Variants in SMG7 observed in about 807,000 individuals in gnomAD.
SMG7 encodes SMG7 nonsense mediated mRNA decay factor.
Under a neutral mutation model 148.2 loss-of-function variants are expected in SMG7, and 34 were observed. The observed-to-expected ratio is 0.23, with a 90% CI of 0.17 to 0.31. The LOEUF (loss-of-function observed/expected upper bound fraction) is 0.31, where lower values mean the gene tolerates loss of function less well. Among genes scored for constraint, SMG7 ranks in the 10% least tolerant of loss-of-function variants. The pLI is 1.00. For missense variants in SMG7, 1,114 were observed against 1,408.4 expected, an observed-to-expected ratio of 0.79 and a Z score of 3.35; for synonymous variants, 492 against 515.1, an observed-to-expected ratio of 0.96 and a Z score of 0.61.
intron 20 of SMG7, 45 bp from the exon 21 acceptor site, chr1:183,550,706 G>C: frequency 6.3e-7 from 1 of 1,586,254 alleles, no homozygotes; most frequent in Non-Finnish European, 8.6e-7. Context: ...TTGTATGTTT[G>C]TGAAACAATG....
At chr1:183,500,535 A>G (rs1033801416) in intron 1 of SMG7, among the ~76,000 whole-genome samples, 6 of 152,208 alleles carry the variant, frequency 3.9e-5, no homozygotes, top group East Asian at 1.9e-4. Context: ...GCTGTGCACT[A>G]TGTGAGGCAC....
chr1:183,506,251 A>G (rs1490383880), intron 1 of SMG7, among the ~76,000 whole-genome samples: 2 of 152,182 alleles, frequency 1.3e-5, no homozygotes, highest in Non-Finnish European at 2.9e-5. Flanking sequence ...ATGTTGTGGT[A>G]TAGAGTATTG....
intron 2 of SMG7, among the ~76,000 whole-genome samples, chr1:183,515,656 C>T (rs963523818): frequency 3.2e-4 from 44 of 138,138 alleles, no homozygotes; most frequent in African/African-American, 1.0e-3. Flanking sequence ...TATTTCAAAA[C>T]TAAAAACAGA....
At chr1:183,494,007 A>C (rs1167514930) in intron 1 of SMG7, among the ~76,000 whole-genome samples, 1 of 151,900 alleles carries the variant, frequency 6.6e-6, no homozygotes, top group Non-Finnish European at 1.5e-5. Flanking sequence ...TGCTTGTTTG[A>C]AACAGGGTCT....
In SMG7 at chr1:183,533,863, G is replaced by C. The variant is rs748426248; in HGVS notation, c.1163+31G>C. 5 of 1,575,662 alleles carry C rather than the reference G, an allele frequency of 3.2e-6. No individual in the cohort carries two copies. In the African/African-American group the frequency reaches 5.4e-5, roughly 17 times the overall value. On this transcript the variant is annotated intron_variant, in intron 10 of 22. Coordinates refer to ENST00000688051, the MANE Select transcript of SMG7 (RefSeq NM_001375584.1). The stretch of plus-strand genomic sequence containing the variant: ...TATTTTTAGAATTTCATGTTAACTT[G>C]TGTGCTTTGTTTGTTTGATATCCAT...
rs1558079653 is a variant in SMG7, at chr1:183,552,978, A to G, written c.*1047A>G. On this transcript the variant is annotated 3_prime_UTR_variant, in exon 23 of 23. Transcript: ENST00000688051. ...TGTGCAACATCACATCTCCCCAAGA[A>G]GCAACAGCATGGGGTCCAGCAGTTG... 2 of 1,536,228 alleles carry G rather than the reference A, an allele frequency of 1.3e-6. No individual in the cohort carries two copies. Among genetic ancestry groups the G allele is most frequent in the Non-Finnish European group, 1.7e-6 (2 of 1,146,868 alleles).
chr1:183,491,911 G>T (rs1002038548), intron 1 of SMG7, among the ~76,000 whole-genome samples: 1 of 152,118 alleles, frequency 6.6e-6, no homozygotes, highest in Admixed American at 6.5e-5. Context: ...GACAAATGCT[G>T]TGTCCACATA....
chr1:183,489,292 G>A (rs376088125), intron 1 of SMG7, among the ~76,000 whole-genome samples: 12 of 152,146 alleles, frequency 7.9e-5, no homozygotes, highest in African/African-American at 1.9e-4. Flanking sequence ...CCTCATTCTC[G>A]GGTTCTTGTC....
At chr1:183,526,241 T>C (rs1004458378) in intron 4 of SMG7, among the ~76,000 whole-genome samples, 3 of 151,394 alleles carry the variant, frequency 2.0e-5, no homozygotes, top group South Asian at 2.1e-4. Flanking sequence ...CTCCGCCTCC[T>C]GGGTTCAAGC....
intron 20 of SMG7, among the ~76,000 whole-genome samples, chr1:183,550,492 T>C (rs1039784952): frequency 6.6e-5 from 10 of 152,368 alleles, no homozygotes; most frequent in Non-Finnish European, 1.2e-4. Context: ...CGTGTGAGAA[T>C]AGGGCATTCA....
intron 1 of SMG7, among the ~76,000 whole-genome samples, chr1:183,485,475 A>G (rs969447614): frequency 6.6e-6 from 1 of 152,130 alleles, no homozygotes. Flanking sequence ...AGATTGCTTT[A>G]TCTTACTGAC....
At chr1:183,511,553 G>C (rs1345145014) in intron 1 of SMG7, among the ~76,000 whole-genome samples, 2 of 152,210 alleles carry the variant, frequency 1.3e-5, no homozygotes, top group Non-Finnish European at 2.9e-5. Context: ...AATGAGCCCG[G>C]AGATCAAGGA....
At chr1:183,532,154 A>G (rs1666987382) in intron 8 of SMG7, among the ~76,000 whole-genome samples, 1 of 152,144 alleles carries the variant, frequency 6.6e-6, no homozygotes, top group Non-Finnish European at 1.5e-5. Context: ...AAAAACAAAA[A>G]TCTCAGAGTA....
chr1:183,484,100 C>T (rs747701362), intron 1 of SMG7, among the ~76,000 whole-genome samples: 6 of 152,074 alleles, frequency 3.9e-5, no homozygotes, highest in Non-Finnish European at 5.9e-5. Flanking sequence ...GGTAGAATTA[C>T]TAGGAGAATT....
intron 2 of SMG7, among the ~76,000 whole-genome samples, chr1:183,514,576 A>G (rs759421325): frequency 2.6e-5 from 4 of 152,206 alleles, no homozygotes; most frequent in Non-Finnish European, 5.9e-5. Context: ...TATCTGTACC[A>G]TTTACCTTTT....
At position 183,552,762 on chromosome 1, in the gene SMG7, GCAAGCAGT is replaced by G; in HGVS notation, c.*833_*840del. On this transcript the variant is annotated 3_prime_UTR_variant, in exon 23 of 23. Coordinates refer to ENST00000688051, the MANE Select transcript of SMG7 (RefSeq NM_001375584.1). ...TTCCTGTACATTTTACAGTCGCACA[GCAAGCAGT>G]CTCACAGAAGGCAGGCTAGTCCATT... 1 of 1,390,284 alleles carries G rather than the reference GCAAGCAGT, an allele frequency of 7.2e-7. No homozygotes were observed. Among genetic ancestry groups the G allele is most frequent in the Non-Finnish European group, 9.3e-7 (1 of 1,074,322 alleles). The allele number at this position is 1,390,284 out of a possible 1,614,324, so 86.1% of individuals were successfully genotyped here. A position where few individuals can be genotyped will look rare whatever the true frequency, so the allele number is the denominator to read the frequency against.
At chr1:183,477,798 A>G (rs1653014153) in intron 1 of SMG7, among the ~76,000 whole-genome samples, 1 of 151,938 alleles carries the variant, frequency 6.6e-6, no homozygotes, top group African/African-American at 2.4e-5. Flanking sequence ...GTATACATAT[A>G]TGTATATGTG....
chr1:183,516,856 C>T (rs1663670285), intron 3 of SMG7, among the ~76,000 whole-genome samples: 1 of 152,142 alleles, frequency 6.6e-6, no homozygotes, highest in South Asian at 2.1e-4. Context: ...ATTAAAAAGC[C>T]TAGTGCTCTA....
Position 183,553,312 on chromosome 1 carries a change from G to C in SMG7, c.*1381G>C. 3 of 1,086,050 alleles carry C rather than the reference G, an allele frequency of 2.8e-6. No individual in the cohort carries two copies. Among genetic ancestry groups the C allele is most frequent in the Non-Finnish European group, 3.9e-6 (3 of 776,904 alleles). 67.3% of individuals were successfully genotyped at this position (1,086,050 alleles called of 1,614,324 possible). A position where few individuals can be genotyped will look rare whatever the true frequency, so the allele number is the denominator to read the frequency against. ...TTCCTGGAAAAGTAATATTTTAAGGGGAAATTATGGAAACAATCTAATTGT... is the reference window on the plus strand; with the variant it reads ...TTCCTGGAAAAGTAATATTTTAAGGCGAAATTATGGAAACAATCTAATTGT... On this transcript the variant is annotated 3_prime_UTR_variant, in exon 23 of 23. Transcript: ENST00000688051.
Sources: gnomAD v4.1 joint callset for allele counts (sites outside exome capture counted in the v4.1 genomes callset) on GRCh38, gnomAD v4.1.1 for gene constraint, MANE v1.5 for transcripts, NCBI Gene and HGNC (gene_info 2026-07-23, HGNC 2026-07-21) for gene names.